GABRA6: variants seen among roughly 807,000 people sequenced by gnomAD.
GABRA6 encodes gamma-aminobutyric acid type A receptor subunit alpha6.
Under a neutral mutation model 47.3 loss-of-function variants are expected in GABRA6, and 45 were observed. The observed-to-expected ratio is 0.95, with a 90% confidence interval of 0.75 to 1.22. GABRA6 has a LOEUF of 1.22. GABRA6 is among the 50% of genes most tolerant of loss of function. The pLI is 0.00. For missense variants in GABRA6, 583 were observed against 549.3 expected (o/e 1.06, Z -0.61); for synonymous variants, 219 against 194.7 (o/e 1.12, Z -1.04).
At chr5:161,693,454 A>G (rs1337708011) in intron 8 of GABRA6, among the ~76,000 whole-genome samples, 1 of 152,156 alleles carries the variant, frequency 6.6e-6, no homozygotes, top group Non-Finnish European at 1.5e-5. Context: ...TAAGTGAAAA[A>G]CACAGTCTAG....
intron 8 of GABRA6, among the ~76,000 whole-genome samples, chr5:161,694,586 G>C (rs914660635): frequency 2.5e-4 from 38 of 152,036 alleles, no homozygotes; most frequent in African/African-American, 8.2e-4. Flanking sequence ...AACATATAAT[G>C]AGTAGGTCCT....
chr5:161,687,507 TG>T (rs1265474939), intron 3 of GABRA6: 1 of 456,202 alleles, frequency 2.2e-6, no homozygotes, highest in East Asian at 7.0e-5. Context: ...GTAGGTGTTC[TG>T]GGGACTCTGT....
chr5:161,691,552 G>A (rs2113074645), intron 7 of GABRA6, among the ~76,000 whole-genome samples: 2 of 151,538 alleles, frequency 1.3e-5, no homozygotes, highest in East Asian at 3.9e-4. Flanking sequence ...CGCCCGCCTC[G>A]GCCTCCCAAA....
intron 8 of GABRA6, among the ~76,000 whole-genome samples, chr5:161,697,798 G>A (rs879237990): frequency 2.0e-5 from 3 of 152,078 alleles, no homozygotes; most frequent in African/African-American, 7.2e-5. Context: ...TTAAGAGCGC[G>A]GTCTGTGGCA....
chr5:161,693,092 AT>A (rs530973962), intron 8 of GABRA6, among the ~76,000 whole-genome samples: 79 of 152,136 alleles, frequency 5.2e-4, no homozygotes, highest in African/African-American at 1.7e-3. Flanking sequence ...TTGAACTGAA[AT>A]TTTTTTTACA....
Position 161,702,077 on chromosome 5 carries a change from G to T in GABRA6, c.*304G>T, listed in dbSNP as rs1754992612. Reference sequence around the variant, plus strand: ...CTTCCATTGTTCAGTATTTTTAATTGTCACTGTAAATAACATTTACCACAA... The same window carrying T: ...CTTCCATTGTTCAGTATTTTTAATTTTCACTGTAAATAACATTTACCACAA... On this transcript the variant is annotated 3_prime_UTR_variant, in exon 9 of 9. Transcript: ENST00000274545. 1 of 365,158 alleles carries T rather than the reference G, an allele frequency of 2.7e-6. No individual in the cohort carries two copies. Among genetic ancestry groups the T allele is most frequent in the Non-Finnish European group, 5.1e-6 (1 of 196,430 alleles). 22.6% of individuals were successfully genotyped at this position (365,158 alleles called of 1,614,324 possible).
chr5:161,688,776 T>C (rs976965412), intron 3 of GABRA6, among the ~76,000 whole-genome samples, 173 bp from the exon 4 acceptor site: 11 of 152,160 alleles, frequency 7.2e-5, no homozygotes, highest in Non-Finnish European at 1.2e-4. Flanking sequence ...CAATGCAAAC[T>C]TTCTGAGTTT....
At chr5:161,701,210 A>T (rs1001389461) in intron 8 of GABRA6, among the ~76,000 whole-genome samples, 1 of 152,164 alleles carries the variant, frequency 6.6e-6, no homozygotes, top group Non-Finnish European at 1.5e-5. Flanking sequence ...TTCCCTAAGG[A>T]TACAATGCTT....
intron 8 of GABRA6, 113 bp downstream of exon 8, chr5:161,692,313 CTG>C (rs1561725668): frequency 2.3e-6 from 3 of 1,307,514 alleles, no homozygotes; most frequent in African/African-American, 1.5e-5. Context: ...GGTTATATAA[CTG>C]TAGTTTCAAG....
At chr5:161,688,513 T>C (rs577050135) in intron 3 of GABRA6, among the ~76,000 whole-genome samples, 11 of 152,318 alleles carry the variant, frequency 7.2e-5, no homozygotes, top group African/African-American at 2.2e-4. Flanking sequence ...GGAATTTTAC[T>C]GAATGGTACT....
rs755056537 is a variant in GABRA6 at position 161,689,259 on chromosome 5, C to T, written c.452C>T (p.Thr151Ile). ...NGTILYTMRL[T>I]INADCPMRLV... Reference sequence around the variant, plus strand: ...GTTGATTTCAATGTTTCTAGGCTTACCATCAATGCTGACTGTCCCATGAGG... The same window carrying T: ...GTTGATTTCAATGTTTCTAGGCTTATCATCAATGCTGACTGTCCCATGAGG... The change falls in exon 5 of 9, where the codon ACC becomes ATC. Residue 151 changes from threonine to isoleucine, a missense_variant. Coordinates refer to ENST00000274545, the MANE Select transcript of GABRA6 (RefSeq NM_000811.3). 1 of 1,613,954 alleles carries T rather than the reference C, an allele frequency of 6.2e-7. No homozygotes were observed. Among genetic ancestry groups the T allele is most frequent in the South Asian group, 1.1e-5 (1 of 91,080 alleles).
At position 161,686,618 on chromosome 5, in the gene GABRA6, A is replaced by T. The variant is rs7723809; in HGVS notation, c.157+270A>T. ...TAGAGTGGTATGAGTGCAAAATGAGATTATTCATGTAAAACAGTTTTATTA... is the reference window on the plus strand; with the variant it reads ...TAGAGTGGTATGAGTGCAAAATGAGTTTATTCATGTAAAACAGTTTTATTA... On this transcript the variant is annotated intron_variant, in intron 2 of 8. Transcript: ENST00000274545. Among the ~76,000 whole-genome samples the T allele has an allele frequency of 5.9e-3, 902 of 152,324 alleles. 9 individuals carry two copies. The highest frequency in any genetic ancestry group is 0.02 in the African/African-American group (816 of 41,570).
Position 161,692,013 on chromosome 5 carries a change from C to A in GABRA6, c.899C>A (p.Ala300Asp), listed in dbSNP as rs769162042. The change falls in exon 8 of 9, where the codon GCC becomes GAC. Residue 300 changes from alanine (A) to aspartate (D), a missense_variant. Ala to Asp is a moderately radical substitution (Grantham distance 126). Transcript: ENST00000274545. ...CACTCTTTGCCAAAAGTGTCATATG[C>A]CACTGCCATGGATTGGTTCATAGCT... ...ARHSLPKVSY[A>D]TAMDWFIAVC... is the part of the protein sequence containing the mutation. 1.2e-6 allele frequency: 2 copies of A among 1,614,030 alleles called. No homozygotes were observed. Among genetic ancestry groups the A allele is most frequent in the South Asian group, 2.2e-5 (2 of 91,082 alleles).
chr5:161,689,211 G>A (rs1276595176), intron 4 of GABRA6, 42 bp downstream of exon 4: 1 of 1,611,118 alleles, frequency 6.2e-7, no homozygotes, highest in African/African-American at 1.3e-5. Flanking sequence ...TAAATGATAT[G>A]TCCATAATAC....
At chr5:161,694,643 A>G (rs1266731816) in intron 8 of GABRA6, among the ~76,000 whole-genome samples, 1 of 152,064 alleles carries the variant, frequency 6.6e-6, no homozygotes, top group African/African-American at 2.4e-5. Flanking sequence ...ATCTCCAAGT[A>G]CTTTTTTCCT....
intron 8 of GABRA6, among the ~76,000 whole-genome samples, chr5:161,695,163 T>C (rs1754866373): frequency 6.6e-6 from 1 of 152,164 alleles, no homozygotes; most frequent in African/African-American, 2.4e-5. Flanking sequence ...AAGAAACTAC[T>C]TACAGTGAAT....
At chr5:161,694,383 TAAAAAC>T (rs1754853088) in intron 8 of GABRA6, among the ~76,000 whole-genome samples, 1 of 151,640 alleles carries the variant, frequency 6.6e-6, no homozygotes, top group Admixed American at 6.6e-5. Flanking sequence ...GATATTGAAA[TAAAAAC>T]AAAGACCAAT....
chr5:161,698,193 T>A (rs2113085349), intron 8 of GABRA6, among the ~76,000 whole-genome samples: 1 of 152,322 alleles, frequency 6.6e-6, no homozygotes, highest in South Asian at 2.1e-4. Context: ...TACATATGAA[T>A]AATGTGCCTT....
rs1375011353 is a variant in GABRA6 at position 161,701,546 on chromosome 5, T to C, written c.1135T>C (p.Leu379=). 2 of 1,614,104 alleles carry C rather than the reference T, an allele frequency of 1.2e-6. No individual in the cohort carries two copies. Among genetic ancestry groups the C allele is most frequent in the East Asian group, 4.5e-5 (2 of 44,900 alleles). ...HLKKRITSLS[L]PIVSSSEANK... ...GAAGAAAAGGATCACTTCTCTGTCT[T>C]TGCCAATAGTTTCATCTTCCGAGGC... The change falls in exon 9 of 9, where the codon TTG becomes CTG. Residue 379 remains leucine, a synonymous_variant. Coordinates refer to ENST00000274545, the MANE Select transcript of GABRA6 (RefSeq NM_000811.3).
Sources: allele counts gnomAD v4.1 joint callset (sites outside exome capture counted in the v4.1 genomes callset), GRCh38; gene constraint gnomAD v4.1.1; transcripts MANE v1.5; gene names NCBI Gene and HGNC (gene_info 2026-07-23, HGNC 2026-07-21).